The following SPMIP8 variants were observed in gnomAD, a reference collection of about 807,000 sequenced individuals.
SPMIP8 encodes sperm microtubule inner protein 8.
the SPMIP8 span, chr16:57,977,686 C>G: frequency 9.6e-7 from 1 of 1,038,294 alleles, no homozygotes; most frequent in African/African-American, 1.6e-5. Flanking sequence ...AATGGCCTGG[C>G]ACACAGTAGG....
chr16:57,982,772 G>A, the SPMIP8 span, among the ~76,000 whole-genome samples: 79 of 152,328 alleles, frequency 5.2e-4, no homozygotes, highest in African/African-American at 1.9e-3. Flanking sequence ...GCTCACGCCT[G>A]TAATCCCAGC....
the SPMIP8 span, among the ~76,000 whole-genome samples, chr16:57,979,989 G>A: frequency 6.6e-6 from 1 of 152,158 alleles, no homozygotes; most frequent in South Asian, 2.1e-4. Context: ...ACCTGAACCC[G>A]GGAGGCGGAG....
the SPMIP8 span, among the ~76,000 whole-genome samples, chr16:57,982,752 G>A: frequency 1.6e-3 from 251 of 152,290 alleles, 1 homozygote; most frequent in Non-Finnish European, 2.8e-3. Context: ...ACAGTAGGCC[G>A]GGCGCAGTGG....
chr16:57,984,572 G>A, the SPMIP8 span: 2 of 1,501,204 alleles, frequency 1.3e-6, no homozygotes, highest in Non-Finnish European at 8.9e-7. Flanking sequence ...GGGATGGACT[G>A]GGATGGCTTC....
the SPMIP8 span, among the ~76,000 whole-genome samples, chr16:57,977,128 C>T: frequency 3.4e-4 from 51 of 152,062 alleles, no homozygotes; most frequent in Middle Eastern, 6.8e-3. Flanking sequence ...AGAATAGACT[C>T]GCCAGGCAAG....
At chr16:57,987,283 A>T in the SPMIP8 span, 1 of 1,139,432 alleles carries the variant, frequency 8.8e-7, no homozygotes, top group Non-Finnish European at 1.2e-6. Flanking sequence ...AAGTCTCCTG[A>T]GCCACATAGA....
the SPMIP8 span, chr16:57,978,119 A>G: frequency 6.8e-7 from 1 of 1,476,192 alleles, no homozygotes; most frequent in Admixed American, 2.0e-5. Flanking sequence ...CAAGGATGAA[A>G]GAGGCCAGTC....
chr16:57,987,671 AG>A, the SPMIP8 span: 1 of 423,454 alleles, frequency 2.4e-6, no homozygotes, highest in African/African-American at 2.0e-5. Flanking sequence ...CAACTCCTGG[AG>A]GACTGGTGGG....
At chr16:57,981,425 T>TATAATAATA in the SPMIP8 span, among the ~76,000 whole-genome samples, 90 of 140,766 alleles carry the variant, frequency 6.4e-4, no homozygotes, top group Non-Finnish European at 9.1e-4. Flanking sequence ...TTATTATTAT[T>TATAATAATA]ATTATTATAA....
the SPMIP8 span, among the ~76,000 whole-genome samples, chr16:57,980,937 A>T: frequency 6.6e-6 from 1 of 152,218 alleles, no homozygotes; most frequent in South Asian, 2.1e-4. Flanking sequence ...CTGGTCTCCA[A>T]CTTCTGGGCT....
chr16:57,984,479 T>C, the SPMIP8 span: 3 of 1,526,568 alleles, frequency 2.0e-6, no homozygotes, highest in Non-Finnish European at 2.7e-6. Context: ...GGACTCCCGC[T>C]CCCCACATCA....
the SPMIP8 span, among the ~76,000 whole-genome samples, chr16:57,980,918 T>C: frequency 6.6e-6 from 1 of 152,302 alleles, no homozygotes; most frequent in African/African-American, 2.4e-5. Context: ...TTACACTATG[T>C]TGCCAGGGCT....
At chr16:57,984,861 T>C in the SPMIP8 span, 1 of 1,540,354 alleles carries the variant, frequency 6.5e-7, no homozygotes, top group Non-Finnish European at 8.8e-7. Context: ...GCCGCGGGGC[T>C]GGAGCAGGGA....
chr16:57,982,672 T>C, the SPMIP8 span, among the ~76,000 whole-genome samples: 1 of 152,210 alleles, frequency 6.6e-6, no homozygotes, highest in Admixed American at 6.5e-5. Flanking sequence ...GATTATTTGG[T>C]TAAGGTGATG....
chr16:57,987,621 GC>G, the SPMIP8 span: 2 of 539,124 alleles, frequency 3.7e-6, no homozygotes, highest in Non-Finnish European at 5.9e-6. Flanking sequence ...GAGGGTCAGG[GC>G]CACAGGATGA....
chr16:57,978,067 T>C, the SPMIP8 span: 12 of 1,596,536 alleles, frequency 7.5e-6, no homozygotes, highest in African/African-American at 1.3e-5. Flanking sequence ...GGATCCCCTT[T>C]GGGGAAGGGG....
chr16:57,977,917 T>C, the SPMIP8 span: 3 of 1,614,002 alleles, frequency 1.9e-6, no homozygotes, highest in Non-Finnish European at 2.5e-6. Flanking sequence ...CGCAACCAGC[T>C]GGCGGGCGTG....
At chr16:57,984,533 C>T in the SPMIP8 span, 1 of 1,499,208 alleles carries the variant, frequency 6.7e-7, no homozygotes, top group African/African-American at 1.4e-5. Flanking sequence ...CGGTCCAATG[C>T]ACCGGGCCAC....
the SPMIP8 span, chr16:57,976,778 T>C: frequency 1.4e-4 from 130 of 925,752 alleles, no homozygotes; most frequent in Admixed American, 1.3e-4. Context: ...TGATCTAAGG[T>C]CCTCTCTCCT....
Sources: allele counts gnomAD v4.1 joint callset (sites outside exome capture counted in the v4.1 genomes callset), GRCh38; gene constraint gnomAD v4.1.1; transcripts MANE v1.5; gene names NCBI Gene and HGNC (gene_info 2026-07-23, HGNC 2026-07-21).